The following ZMYM6 variants were observed in gnomAD, a reference collection of about 807,000 sequenced individuals.
The protein encoded by ZMYM6 is zinc finger MYM-type protein 6.
A neutral mutation model predicts 134.0 loss-of-function variants in ZMYM6; 90 were observed. The ratio of observed to expected loss-of-function variants is 0.67; its 90% CI spans 0.57 to 0.80. The LOEUF (loss-of-function observed/expected upper bound fraction) is 0.80. ZMYM6 is among the 30% of genes least tolerant of loss of function. The probability of loss-of-function intolerance (pLI) is 0.00; values close to 1 mark genes in which losing one functional copy is unlikely to be tolerated. For synonymous variants in ZMYM6, 481 were observed against 524.1 expected, an observed-to-expected ratio of 0.92 and a Z score of 1.12; for missense variants, 1,362 against 1,533.9, an observed-to-expected ratio of 0.89 and a Z score of 1.87.
intron 14 of ZMYM6, among the ~76,000 whole-genome samples, chr1:34,998,339 A>G (rs1557563626): frequency 6.6e-6 from 1 of 152,190 alleles, no homozygotes; most frequent in Non-Finnish European, 1.5e-5. Context: ...CTATTCGTGC[A>G]CCAGTACCAA....
At chr1:35,031,512 G>A (rs1641524014) in intron 1 of ZMYM6, 1 of 152,222 alleles carries the variant, frequency 6.6e-6, no homozygotes, top group Non-Finnish European at 1.5e-5. Context: ...GAAGAAATGA[G>A]AACTTTTGCG....
Position 34,988,408 on chromosome 1 carries a change from C to T in ZMYM6, c.2674G>A (p.Ala892Thr), listed in dbSNP as rs373355466. ...TIQHRIDELSADIEDQLIQKV... is the reference protein window; with the variant it reads ...TIQHRIDELSTDIEDQLIQKV... Reference sequence around the variant, plus strand: ...TGAATCAGCTGGTCTTCAATGTCTGCAGATAGTTCATCAATCCTGTGTTGA... The same window carrying T: ...TGAATCAGCTGGTCTTCAATGTCTGTAGATAGTTCATCAATCCTGTGTTGA... Residue 892 changes from alanine (A) to threonine (T), a missense_variant, in exon 16 of 16, where the codon GCA becomes ACA. By Grantham distance (58) the Ala-to-Thr change is moderately conservative. Coordinates refer to ENST00000357182, the MANE Select transcript of ZMYM6 (RefSeq NM_007167.4). 130 of 1,551,484 alleles carry T rather than the reference C, an allele frequency of 8.4e-5. No homozygotes were observed. The highest frequency in any genetic ancestry group is 1.1e-4 in the Non-Finnish European group (124 of 1,146,962).
intron 14 of ZMYM6, among the ~76,000 whole-genome samples, chr1:35,003,206 A>G (rs1229514465): frequency 1.3e-5 from 2 of 149,932 alleles, no homozygotes; most frequent in South Asian, 2.1e-4. Flanking sequence ...AAAAAAAAGC[A>G]TAACAGTCAT....
In ZMYM6 at chr1:34,987,595, AATC is replaced by A; in HGVS notation, c.3484_3486del (p.Asp1162del). On this transcript the variant is annotated inframe_deletion, in exon 16 of 16. Coordinates refer to ENST00000357182, the MANE Select transcript of ZMYM6 (RefSeq NM_007167.4). ...TCAGAAAATGAAGGGAACATGTCAT[AATC>A]ATTCTCTTGTGTGCGCTTCAACCAC... 6.2e-7 allele frequency: 1 copy of A among 1,613,262 alleles called. No individual in the cohort carries two copies. Among genetic ancestry groups the A allele is most frequent in the Non-Finnish European group, 8.5e-7 (1 of 1,179,514 alleles).
intron 6 of ZMYM6, chr1:35,013,638 T>C: frequency 2.0e-6 from 2 of 985,418 alleles, no homozygotes; most frequent in Non-Finnish European, 2.4e-6. Flanking sequence ...TCAAACTTGC[T>C]AACTGAAAAA....
rs752098743 is a variant in ZMYM6, at chr1:35,020,478, AAAAAG to A, written c.94-16_94-12del. 5.1e-6 allele frequency: 8 copies of A among 1,575,736 alleles called. No homozygotes were observed. The highest frequency in any genetic ancestry group is 8.6e-7 in the Non-Finnish European group (1 of 1,169,082). On this transcript the variant is annotated splice_polypyrimidine_tract_variant and intron_variant, in intron 2 of 15. Coordinates refer to ENST00000357182, the MANE Select transcript of ZMYM6 (RefSeq NM_007167.4). ...GACACATCCATACTCCTTTAAAAAAAAAAAGAAAAGAGAAAAGAGCAATGAATACA... is the reference window on the plus strand; with the variant it reads ...GACACATCCATACTCCTTTAAAAAAAAAAAGAGAAAAGAGCAATGAATACA...
Position 35,011,028 on chromosome 1 carries a change from A to AT in ZMYM6, c.1070_1071insA (p.Phe357LeufsTer2). 6.2e-7 allele frequency: 1 copy of AT among 1,612,794 alleles called. No individual in the cohort carries two copies. On this transcript the variant is annotated frameshift_variant, in exon 9 of 16. Coordinates refer to ENST00000357182, the MANE Select transcript of ZMYM6 (RefSeq NM_007167.4). LOFTEE classifies it high-confidence loss of function. ...AAGAGTTTGTTCCTTTTGGCTTGCT[A>AT]AATACATTCTGAATGAAAACAAATA...
intron 14 of ZMYM6, among the ~76,000 whole-genome samples, chr1:34,997,667 T>G (rs1319088309): frequency 6.6e-6 from 1 of 152,182 alleles, no homozygotes; most frequent in Non-Finnish European, 1.5e-5. Flanking sequence ...TATGTAACCT[T>G]TTCATTTTGT....
intron 1 of ZMYM6, chr1:35,031,343 G>C (rs1641520402): frequency 1.3e-5 from 2 of 152,214 alleles, no homozygotes; most frequent in Admixed American, 1.3e-4. Context: ...CCTTCCTGTA[G>C]AAAAGAAACT....
intron 6 of ZMYM6, among the ~76,000 whole-genome samples, chr1:35,014,007 A>C (rs1054387052): frequency 5.9e-5 from 9 of 152,250 alleles, no homozygotes; most frequent in Admixed American, 1.3e-4. Context: ...TACTTCTTTA[A>C]GAAAAACTTT....
chr1:35,026,067 T>C (rs1641408789), intron 2 of ZMYM6, among the ~76,000 whole-genome samples: 1 of 152,074 alleles, frequency 6.6e-6, no homozygotes, highest in Non-Finnish European at 1.5e-5. Context: ...GTCGTCCAGA[T>C]TGGAGTGCAG....
chr1:35,030,753 TTATCTA>T, intron 1 of ZMYM6, 40 bp from the exon 2 acceptor site: 1 of 1,095,870 alleles, frequency 9.1e-7, no homozygotes, highest in Non-Finnish European at 1.3e-6. Flanking sequence ...TTCTTCAGGC[TTATCTA>T]TATGAAAGAA....
At chr1:35,021,171 C>T (rs1463092505) in intron 2 of ZMYM6, among the ~76,000 whole-genome samples, 1 of 144,396 alleles carries the variant, frequency 6.9e-6, no homozygotes, top group African/African-American at 2.6e-5. Flanking sequence ...GCTGGAGTTT[C>T]ATTCTGTCAC....
chr1:34,995,045 C>CA (rs1355014632), intron 14 of ZMYM6, among the ~76,000 whole-genome samples: 5 of 127,094 alleles, frequency 3.9e-5, no homozygotes, highest in Non-Finnish European at 6.4e-5. Flanking sequence ...AATATATATA[C>CA]TTACATACGT....
At chr1:35,008,243 G>C (rs189752776) in intron 11 of ZMYM6, among the ~76,000 whole-genome samples, 2 of 152,232 alleles carry the variant, frequency 1.3e-5, no homozygotes, top group Non-Finnish European at 2.9e-5. Context: ...TACCTCTTGG[G>C]ACTATGGTAA....
intron 4 of ZMYM6, among the ~76,000 whole-genome samples, chr1:35,016,005 T>C (rs1641181121): frequency 6.8e-6 from 1 of 147,126 alleles, no homozygotes; most frequent in South Asian, 2.2e-4. Context: ...TGGAGTGCAG[T>C]GTCACGATCT....
In ZMYM6 at chr1:35,000,633, A is replaced by G. The variant is rs115110174; in HGVS notation, c.1992+3335T>C. 2.6e-3 allele frequency among the ~76,000 whole-genome samples: 397 copies of G among 152,320 alleles called. 4 individuals carry two copies. The highest frequency in any genetic ancestry group is 8.8e-3 in the African/African-American group (367 of 41,558). On this transcript the variant is annotated intron_variant, in intron 14 of 15. Transcript: ENST00000357182. Reference sequence around the variant, plus strand: ...ATGTGGTACCTACAGGCAAAACATTACTATAATCAACAGGAATGTACCAAA... The same window carrying G: ...ATGTGGTACCTACAGGCAAAACATTGCTATAATCAACAGGAATGTACCAAA...
rs764824832 is a variant in ZMYM6 at position 35,005,224 on chromosome 1, C to G, written c.1862G>C (p.Arg621Thr). ...GGTTATAACTGGTGTTGTATCTGTC[C>G]TTGCAGAAGGGAGCTCCGTCACAGC... ...KTAVTELPSA[R>T]TDTTPVITSV... The change falls in exon 13 of 16, where the codon AGG becomes ACG. Residue 621 changes from arginine (R) to threonine (T), a missense_variant. This residue lies in a region of ZMYM6 where 824 missense variants were observed against 940.9 expected (regional missense o/e 0.88). Transcript: ENST00000357182. The G allele has an allele frequency of 6.2e-7, 1 of 1,614,120 alleles. No individual in the cohort carries two copies. Among genetic ancestry groups the G allele is most frequent in the South Asian group, 1.1e-5 (1 of 91,080 alleles).
At chr1:35,023,901 C>T (rs1442976807) in intron 2 of ZMYM6, among the ~76,000 whole-genome samples, 1 of 152,170 alleles carries the variant, frequency 6.6e-6, no homozygotes, top group East Asian at 1.9e-4. Flanking sequence ...GGATTATAGG[C>T]ATGAGCCACC....
Sources: allele counts gnomAD v4.1 joint callset (sites outside exome capture counted in the v4.1 genomes callset), GRCh38; gene constraint gnomAD v4.1.1; regional missense constraint gnomAD v4.1.1; transcripts MANE v1.5; gene names NCBI Gene and HGNC (gene_info 2026-07-23, HGNC 2026-07-21).